KDM2B: variants seen among roughly 807,000 people sequenced by gnomAD.
KDM2B encodes lysine demethylase 2B.
A neutral mutation model predicts 150.0 loss-of-function variants in KDM2B; 26 were observed. The ratio of observed to expected loss-of-function variants is 0.17; its 90% CI spans 0.13 to 0.24. KDM2B has a LOEUF of 0.24. Among genes scored for constraint, KDM2B ranks in the 10% least tolerant of loss-of-function variants. The probability of loss-of-function intolerance (pLI) is 1.00; values close to 1 mark genes in which losing one functional copy is unlikely to be tolerated. For synonymous variants in KDM2B, 734 were observed against 729.5 expected (o/e 1.01, Z -0.10); for missense variants, 1,265 against 1,816.9 (o/e 0.70, Z 5.52).
At chr12:121,451,385 T>C (rs1381739849) in intron 13 of KDM2B, among the ~76,000 whole-genome samples, 2 of 152,190 alleles carry the variant, frequency 1.3e-5, no homozygotes, top group Non-Finnish European at 1.5e-5. Flanking sequence ...TGGTCAACAA[T>C]AGGGCTAACA....
chr12:121,561,265 G>C (rs1890319103), intron 4 of KDM2B, among the ~76,000 whole-genome samples: 1 of 152,132 alleles, frequency 6.6e-6, no homozygotes, highest in Non-Finnish European at 1.5e-5. Context: ...AAACTCCCCA[G>C]AGCCCGGCTC....
At chr12:121,547,778 A>C (rs1341127588) in intron 6 of KDM2B, among the ~76,000 whole-genome samples, 5 of 151,342 alleles carry the variant, frequency 3.3e-5, no homozygotes, top group Non-Finnish European at 7.4e-5. Context: ...GAGTAGCTGG[A>C]ATTACAGGCG....
At chr12:121,440,389 A>G in intron 21 of KDM2B, 1 of 452,456 alleles carries the variant, frequency 2.2e-6, no homozygotes, top group Non-Finnish European at 4.1e-6. Flanking sequence ...AGAAGCACGG[A>G]CCTAGGCAGT....
At chr12:121,447,220 A>C (rs528978249) in intron 13 of KDM2B, among the ~76,000 whole-genome samples, 49 of 152,186 alleles carry the variant, frequency 3.2e-4, no homozygotes, top group African/African-American at 1.1e-3. Flanking sequence ...AAAACACAGA[A>C]GCAGATATGA....
At chr12:121,492,509 T>C (rs1256737335) in intron 12 of KDM2B, among the ~76,000 whole-genome samples, 25 of 151,272 alleles carry the variant, frequency 1.7e-4, no homozygotes, top group African/African-American at 5.6e-4. Flanking sequence ...AGTTTCGCCA[T>C]GTTGGCCAGG....
chr12:121,421,859 T>A, the KDM2B span, among the ~76,000 whole-genome samples: 1 of 152,182 alleles, frequency 6.6e-6, no homozygotes, highest in South Asian at 2.1e-4. Flanking sequence ...ATCATTAACT[T>A]TTATCATCTT....
intron 4 of KDM2B, among the ~76,000 whole-genome samples, chr12:121,573,030 T>G (rs1022101882): frequency 6.6e-6 from 1 of 151,818 alleles, no homozygotes; most frequent in South Asian, 2.1e-4. Context: ...TTCACCATGT[T>G]GGCCAGGCTG....
intron 11 of KDM2B, among the ~76,000 whole-genome samples, chr12:121,503,489 T>G (rs782282217): frequency 6.6e-6 from 1 of 151,152 alleles, no homozygotes; most frequent in Non-Finnish European, 1.5e-5. Context: ...TTTTGTTTTG[T>G]TTTTGTAGAC....
At chr12:121,507,257 G>T (rs782364165) in intron 11 of KDM2B, among the ~76,000 whole-genome samples, 1 of 151,912 alleles carries the variant, frequency 6.6e-6, no homozygotes, top group Non-Finnish European at 1.5e-5. Flanking sequence ...CCAGCTACTC[G>T]GGAGGCAGGG....
chr12:121,530,053 C>T (rs538873368), intron 8 of KDM2B, among the ~76,000 whole-genome samples: 3 of 151,104 alleles, frequency 2.0e-5, no homozygotes, highest in South Asian at 4.2e-4. Flanking sequence ...ACAGTGAAAA[C>T]GTGTCTCTAC....
At position 121,533,674 on chromosome 12, in the gene KDM2B, G is replaced by A. The variant is rs1594069445; in HGVS notation, c.778-715C>T. Among the ~76,000 whole-genome samples, 1 of 152,320 alleles carries A rather than the reference G, an allele frequency of 6.6e-6. No homozygotes were observed. ...GAGAAGATGAATGCTGGACGTTCTCGAGCCAAACCCAAGCTTCAAATCTGG... is the reference window on the plus strand; with the variant it reads ...GAGAAGATGAATGCTGGACGTTCTCAAGCCAAACCCAAGCTTCAAATCTGG... On this transcript the variant is annotated intron_variant, in intron 7 of 22. Coordinates refer to ENST00000377071, the MANE Select transcript of KDM2B (RefSeq NM_032590.5). The surrounding 1 kb of genome is among the most constrained non-coding windows in gnomAD (Gnocchi z 4.1).
intron 12 of KDM2B, among the ~76,000 whole-genome samples, chr12:121,456,809 T>A (rs1176224906): frequency 6.6e-6 from 1 of 152,164 alleles, no homozygotes; most frequent in Non-Finnish European, 1.5e-5. Flanking sequence ...TCAACAGCAG[T>A]TGAGACATCT....
Position 121,444,059 on chromosome 12 carries a change from T to C in KDM2B, c.2404A>G (p.Lys802Glu). 6.2e-7 allele frequency: 1 copy of C among 1,613,830 alleles called. No individual in the cohort carries two copies. The highest frequency in any genetic ancestry group is 8.5e-7 in the Non-Finnish European group (1 of 1,179,892). Residue 802 changes from lysine (K) to glutamate (E), a missense_variant, in exon 16 of 23, where the codon AAG becomes GAG. By Grantham distance (56) the Lys-to-Glu change is moderately conservative (BLOSUM62 1). This residue lies in a region of KDM2B where 418 missense variants were observed against 402.4 expected (regional missense o/e 1.04). Coordinates refer to ENST00000377071, the MANE Select transcript of KDM2B (RefSeq NM_032590.5). ...TGGGGCTTCTCGTATTTCCGCTTCT[T>C]CCTCAGGTGCACGTCGTCAGACTTT... ...RRKSDDVHLR[K>E]KRKYEKPQEL... is the part of the protein sequence containing the mutation.
chr12:121,514,675 G>A (rs528035248), intron 9 of KDM2B, among the ~76,000 whole-genome samples: 72 of 151,292 alleles, frequency 4.8e-4, no homozygotes, highest in Non-Finnish European at 9.4e-4. Context: ...GTTGGATGGT[G>A]AACAATTACA....
At chr12:121,567,452 C>T (rs1230373147) in intron 4 of KDM2B, among the ~76,000 whole-genome samples, 1 of 152,112 alleles carries the variant, frequency 6.6e-6, no homozygotes, top group Non-Finnish European at 1.5e-5. Flanking sequence ...CTCACGCATG[C>T]AATTGCAGCA....
chr12:121,427,434 G>A (rs1872560957), downstream of KDM2B, among the ~76,000 whole-genome samples: 1 of 152,230 alleles, frequency 6.6e-6, no homozygotes, highest in Non-Finnish European at 1.5e-5. Flanking sequence ...CCCAACTACT[G>A]GGGAGGCTGA....
At chr12:121,445,500 C>G in intron 13 of KDM2B, 82 bp from the exon 14 acceptor site, 1 of 1,421,300 alleles carries the variant, frequency 7.0e-7, no homozygotes, top group Non-Finnish European at 9.4e-7. Context: ...GGGCAATGAG[C>G]TGCTCCCCTT....
intron 8 of KDM2B, among the ~76,000 whole-genome samples, chr12:121,529,703 G>A (rs1887462020): frequency 6.6e-6 from 1 of 151,954 alleles, no homozygotes; most frequent in Non-Finnish European, 1.5e-5. Context: ...GCCGAGGCGG[G>A]TGGATCACTT....
chr12:121,414,517 G>GA, the KDM2B span, among the ~76,000 whole-genome samples: 307 of 152,234 alleles, frequency 2.0e-3, 3 homozygotes, highest in African/African-American at 7.0e-3. Context: ...AAGAGACAAG[G>GA]AAAAAACCAT....
Sources: gnomAD v4.1 joint callset for allele counts (sites outside exome capture counted in the v4.1 genomes callset) on GRCh38, gnomAD v4.1.1 for gene constraint, gnomAD v4.1.1 regional missense constraint, Gnocchi (gnomAD v3.1) non-coding constraint, MANE v1.5 for transcripts, NCBI Gene and HGNC (gene_info 2026-07-23, HGNC 2026-07-21) for gene names.